The following MTA3 variants were observed in gnomAD, a reference collection of about 807,000 sequenced individuals.
MTA3 encodes the protein metastasis-associated protein MTA3.
A neutral mutation model predicts 83.5 loss-of-function variants in MTA3; 34 were observed. The observed-to-expected ratio is 0.41, with a 90% CI of 0.31 to 0.54. MTA3 has a LOEUF of 0.54. Ranked by LOEUF, MTA3 falls within the 20% of genes least tolerant of loss-of-function variation. The pLI, the probability that MTA3 is intolerant of heterozygous loss-of-function variation, is 0.33. For synonymous variants in MTA3, 303 were observed against 252.7 expected, an observed-to-expected ratio of 1.20 and a Z score of -1.89; for missense variants, 761 against 726.4, an observed-to-expected ratio of 1.05 and a Z score of -0.55.
chr2:42,691,374 A>G (rs1692884863), intron 9 of MTA3, among the ~76,000 whole-genome samples: 1 of 152,204 alleles, frequency 6.6e-6, no homozygotes, highest in Non-Finnish European at 1.5e-5. Context: ...TCGTACACAC[A>G]CACACACACA....
intron 9 of MTA3, among the ~76,000 whole-genome samples, chr2:42,685,241 T>C (rs4952909): frequency 0.77 from 116,701 of 152,100 alleles, 45,372 homozygotes; most frequent in African/African-American, 0.88. Context: ...TTTTTTGTTG[T>C]CTTTGTGGTC....
chr2:42,632,997 G>A (rs988017179), intron 4 of MTA3, among the ~76,000 whole-genome samples: 1 of 151,906 alleles, frequency 6.6e-6, no homozygotes. Flanking sequence ...GGGCATGGTG[G>A]CTTACACCTG....
upstream of MTA3, among the ~76,000 whole-genome samples, chr2:42,565,286 C>T (rs1230784907): frequency 2.6e-5 from 4 of 151,990 alleles, no homozygotes; most frequent in South Asian, 2.1e-4. Flanking sequence ...TGGGCTCAAG[C>T]GATTTGCCTG....
chr2:42,522,199 G>A (rs1309464461), intron 2 of MTA3, among the ~76,000 whole-genome samples: 2 of 152,194 alleles, frequency 1.3e-5, no homozygotes, highest in African/African-American at 4.8e-5. Context: ...GACTTGGAGA[G>A]TGAGGTAGTT....
At chr2:42,515,776 A>G (rs1675116819) in intron 2 of MTA3, among the ~76,000 whole-genome samples, 1 of 151,478 alleles carries the variant, frequency 6.6e-6, no homozygotes, top group Non-Finnish European at 1.5e-5. Context: ...GCTGGATTAC[A>G]GGCGTGAACC....
chr2:42,589,209 A>AT (rs1156520528), intron 3 of MTA3, among the ~76,000 whole-genome samples: 1 of 152,212 alleles, frequency 6.6e-6, no homozygotes, highest in Non-Finnish European at 1.5e-5. Context: ...AGTTGAAGTA[A>AT]TGAAGTAATG....
At chr2:42,666,696 C>T (rs1303159631) in intron 8 of MTA3, among the ~76,000 whole-genome samples, 5 of 152,206 alleles carry the variant, frequency 3.3e-5, no homozygotes, top group Non-Finnish European at 7.3e-5. Flanking sequence ...GTCTCTTTCT[C>T]TCCTTCCCAT....
chr2:42,628,516 G>A (rs1295245841), intron 4 of MTA3, among the ~76,000 whole-genome samples: 1 of 152,184 alleles, frequency 6.6e-6, no homozygotes, highest in Non-Finnish European at 1.5e-5. Flanking sequence ...TTACAGGCGT[G>A]AGCCACCAAC....
chr2:42,619,562 A>G (rs1255115390), intron 4 of MTA3, among the ~76,000 whole-genome samples: 1 of 152,232 alleles, frequency 6.6e-6, no homozygotes, highest in Non-Finnish European at 1.5e-5. Flanking sequence ...TGTGGGATAT[A>G]TCATTACAAT....
chr2:42,541,096 A>G (rs1365156064), intron 2 of MTA3, among the ~76,000 whole-genome samples: 2 of 151,318 alleles, frequency 1.3e-5, no homozygotes, highest in Non-Finnish European at 2.9e-5. Flanking sequence ...CAGTGGTGCA[A>G]TCTCAGCTCA....
At chr2:42,528,884 A>G (rs189520840) in intron 2 of MTA3, among the ~76,000 whole-genome samples, 1 of 152,326 alleles carries the variant, frequency 6.6e-6, no homozygotes, top group Admixed American at 6.5e-5. Context: ...CAGAAAAAGA[A>G]AGTGACACAC....
chr2:42,572,371 T>G (rs1299323480), intron 2 of MTA3, among the ~76,000 whole-genome samples: 1 of 151,460 alleles, frequency 6.6e-6, no homozygotes, highest in Non-Finnish European at 1.5e-5. Context: ...ATCCTTTGAG[T>G]CCAGGAGTTC....
chr2:42,729,067 T>A (rs113341171), intron 16 of MTA3, among the ~76,000 whole-genome samples: 1 of 148,208 alleles, frequency 6.7e-6, no homozygotes, highest in Non-Finnish European at 1.5e-5. Flanking sequence ...TGTTTTCTTT[T>A]ATTAGTTTCA....
chr2:42,543,229 G>A (rs181818879), intron 2 of MTA3, among the ~76,000 whole-genome samples: 2 of 152,160 alleles, frequency 1.3e-5, no homozygotes, highest in Non-Finnish European at 2.9e-5. Flanking sequence ...CCAGGCTGGA[G>A]AGCAGTGGCG....
chr2:42,741,618 A>G (rs890293878), intron 16 of MTA3, among the ~76,000 whole-genome samples: 11 of 151,274 alleles, frequency 7.3e-5, no homozygotes, highest in African/African-American at 2.4e-4. Flanking sequence ...GAGAGGGGAA[A>G]AGACAGGGAA....
At chr2:42,634,767 G>T (rs1412417965) in intron 4 of MTA3, among the ~76,000 whole-genome samples, 3 of 152,060 alleles carry the variant, frequency 2.0e-5, no homozygotes, top group East Asian at 3.9e-4. Context: ...AACTCCTCTC[G>T]ATGGTGGCTT....
At chr2:42,644,586 T>C (rs1444382806) in intron 6 of MTA3, among the ~76,000 whole-genome samples, 2 of 152,212 alleles carry the variant, frequency 1.3e-5, no homozygotes, top group Non-Finnish European at 2.9e-5. Flanking sequence ...GCACTTCATA[T>C]ATATCTAGTT....
chr2:42,643,978 T>C (rs1687930763), intron 5 of MTA3, 149 bp from the exon 6 acceptor site: 2 of 488,510 alleles, frequency 4.1e-6, no homozygotes, highest in Admixed American at 3.9e-5. Flanking sequence ...AACACCATGC[T>C]CTCCTTAAAG....
At chr2:42,701,191 A>G (rs1693829401) in intron 11 of MTA3, among the ~76,000 whole-genome samples, 1 of 150,956 alleles carries the variant, frequency 6.6e-6, no homozygotes. Flanking sequence ...AGTCCCAGCT[A>G]CTCAGGAGGC....
Sources: gnomAD v4.1 joint callset for allele counts (sites outside exome capture counted in the v4.1 genomes callset) on GRCh38, gnomAD v4.1.1 for gene constraint, MANE v1.5 for transcripts, NCBI Gene and HGNC (gene_info 2026-07-23, HGNC 2026-07-21) for gene names.